ZBED3: variants seen among roughly 807,000 people sequenced by gnomAD.
The protein encoded by ZBED3 is zinc finger BED domain-containing protein 3.
For missense variants in ZBED3, 388 were observed against 362.9 expected (o/e 1.07, Z -0.56); for synonymous variants, 175 against 180.0 (o/e 0.97, Z 0.22).
rs564723790 is a variant in ZBED3 at position 77,085,311 on chromosome 5, ACT to A, written c.-153+1798_-153+1799del. On this transcript the variant is annotated intron_variant, in intron 1 of 2. Transcript: ENST00000255198. ...CACAAGGTATGACTATAATATTGAGACTCATCCTATAAAGCACCTACAAAAGT... is the reference window on the plus strand; with the variant it reads ...CACAAGGTATGACTATAATATTGAGACATCCTATAAAGCACCTACAAAAGT... Among the ~76,000 whole-genome samples, 121 of 152,350 alleles carry A rather than the reference ACT, an allele frequency of 7.9e-4. 2 individuals are homozygous for A. The South Asian group carries it at 0.015, about 18-fold the overall frequency.
chr5:77,085,085 T>G (rs1356211997), intron 1 of ZBED3, among the ~76,000 whole-genome samples: 1 of 152,242 alleles, frequency 6.6e-6, no homozygotes, highest in Non-Finnish European at 1.5e-5. Context: ...GAAGGAGTTC[T>G]TAAATCTAAG....
At position 77,077,093 on chromosome 5, in the gene ZBED3, C is replaced by A. The variant is rs999625504; in HGVS notation, c.*81G>T. On this transcript the variant is annotated 3_prime_UTR_variant, in exon 3 of 3. Coordinates refer to ENST00000255198, the MANE Select transcript of ZBED3 (RefSeq NM_032367.4). Reference sequence around the variant, plus strand: ...GCGGCTGCGGGCCTGGCTTCGGTTACGGCTTCGGTCCCAGCGGGGTCTGAA... The same window carrying A: ...GCGGCTGCGGGCCTGGCTTCGGTTAAGGCTTCGGTCCCAGCGGGGTCTGAA... 8 of 1,114,830 alleles carry A rather than the reference C, an allele frequency of 7.2e-6. No individual in the cohort carries two copies. The Admixed American group carries it at 1.3e-4, about 18-fold the overall frequency. The allele number at this position is 1,114,830 out of a possible 1,614,324, so 69.1% of individuals were successfully genotyped here. A position where few individuals can be genotyped will look rare whatever the true frequency, so the allele number is the denominator to read the frequency against.
chr5:77,078,590 T>C lies in ZBED3; in HGVS notation c.-18+4A>G, dbSNP rs1406951114. The C allele has an allele frequency of 2.0e-5, 3 of 152,240 alleles. No individual in the cohort carries two copies. The highest frequency in any genetic ancestry group is 4.4e-5 in the Non-Finnish European group (3 of 68,038). The allele number at this position is 152,240 out of a possible 1,614,324, so 9.4% of individuals were successfully genotyped here. On this transcript the variant is annotated splice_donor_region_variant and intron_variant, in intron 2 of 2. Coordinates refer to ENST00000255198, the MANE Select transcript of ZBED3 (RefSeq NM_032367.4). Reference sequence around the variant, plus strand: ...ATATCCAAAGCAGCATTCTAAATTTTTACCTTTAAATTAGACAGTGGGTAA... The same window carrying C: ...ATATCCAAAGCAGCATTCTAAATTTCTACCTTTAAATTAGACAGTGGGTAA...
chr5:77,079,188 A>G (rs1458181573), intron 1 of ZBED3: 1 of 152,260 alleles, frequency 6.6e-6, no homozygotes, highest in Admixed American at 6.5e-5. Flanking sequence ...ATTTGCTTTG[A>G]AAGTTGAAAA....
chr5:77,083,853 C>G (rs1743179588), intron 1 of ZBED3, among the ~76,000 whole-genome samples: 1 of 152,140 alleles, frequency 6.6e-6, no homozygotes, highest in Non-Finnish European at 1.5e-5. Flanking sequence ...TTATTTATCA[C>G]TAGGGTAAAA....
In ZBED3 at chr5:77,077,916, A is replaced by G. The variant is rs537245481; in HGVS notation, c.-17-21T>C. 1.0e-4 allele frequency: 126 copies of G among 1,244,660 alleles called. No individual in the cohort carries two copies. The African/African-American group carries it at 1.8e-3, about 17-fold the overall frequency. 77.1% of individuals were successfully genotyped at this position (1,244,660 alleles called of 1,614,324 possible). A position where few individuals can be genotyped will look rare whatever the true frequency, so the allele number is the denominator to read the frequency against. On this transcript the variant is annotated intron_variant, in intron 2 of 2. Coordinates refer to ENST00000255198, the MANE Select transcript of ZBED3 (RefSeq NM_032367.4). Reference sequence around the variant, plus strand: ...GCACGCTGGGGAGCAGGGGAAGAATAATAATGAGTGTTAGGATCACGCACA... The same window carrying G: ...GCACGCTGGGGAGCAGGGGAAGAATGATAATGAGTGTTAGGATCACGCACA...
rs1742989312 is a variant in ZBED3 at position 77,076,015 on chromosome 5, ATATATGTATATATATATGTATATATG to A, written c.*1133_*1158del. On this transcript the variant is annotated 3_prime_UTR_variant, in exon 3 of 3. Transcript: ENST00000255198. ...TATGTATATATGTATATATATATGT[ATATATGTATATATATATGTATATATG>A]TATATATATATATAATATATACACA... 1.2e-4 allele frequency: 11 copies of A among 90,576 alleles called. No homozygotes were observed. The highest frequency in any genetic ancestry group is 1.8e-4 in the Non-Finnish European group (8 of 45,352). 5.6% of individuals were successfully genotyped at this position (90,576 alleles called of 1,614,324 possible).
At chr5:77,083,079 G>T (rs1743163543) in intron 1 of ZBED3, among the ~76,000 whole-genome samples, 2 of 152,212 alleles carry the variant, frequency 1.3e-5, no homozygotes, top group African/African-American at 4.8e-5. Context: ...GGAGGTTGCA[G>T]TGAGCCGAGA....
At position 77,077,769 on chromosome 5, in the gene ZBED3, G is replaced by A. The variant is rs965588295; in HGVS notation, c.110C>T (p.Pro37Leu). Residue 37 changes from proline (P) to leucine (L), a missense_variant, in exon 3 of 3, where the codon CCT becomes CTT. Coordinates refer to ENST00000255198, the MANE Select transcript of ZBED3 (RefSeq NM_032367.4). ...PGLGPAPTPT[P>L]PGRLGAPYSE... Reference sequence around the variant, plus strand: ...GTATGGCGCCCCCAGGCGGCCGGGAGGCGTCGGCGTCGGCGCCGGCCCCAG... The same window carrying A: ...GTATGGCGCCCCCAGGCGGCCGGGAAGCGTCGGCGTCGGCGCCGGCCCCAG... 4.6e-6 allele frequency: 6 copies of A among 1,312,004 alleles called. No homozygotes were observed. In the African/African-American group the frequency reaches 9.6e-5, roughly 21 times the overall value. 81.3% of individuals were successfully genotyped at this position (1,312,004 alleles called of 1,614,324 possible).
intron 1 of ZBED3, among the ~76,000 whole-genome samples, chr5:77,083,567 C>T (rs1184596969): frequency 6.6e-6 from 1 of 152,194 alleles, no homozygotes; most frequent in Non-Finnish European, 1.5e-5. Flanking sequence ...AATGATGTCA[C>T]TGTTGGACTC....
At chr5:77,081,725 A>G (rs1262850743) in intron 1 of ZBED3, among the ~76,000 whole-genome samples, 1 of 152,120 alleles carries the variant, frequency 6.6e-6, no homozygotes, top group African/African-American at 2.4e-5. Flanking sequence ...TTCCTTGAAC[A>G]TTTTTTAAAA....
Position 77,077,271 on chromosome 5 carries a change from T to G in ZBED3, c.608A>C (p.Glu203Ala), listed in dbSNP as rs1235028321. 21 of 1,416,932 alleles carry G rather than the reference T, an allele frequency of 1.5e-5. No individual in the cohort carries two copies. The highest frequency in any genetic ancestry group is 1.7e-5 in the Non-Finnish European group (18 of 1,087,110). 87.8% of individuals were successfully genotyped at this position (1,416,932 alleles called of 1,614,324 possible). The change falls in exon 3 of 3, where the codon GAG becomes GCG. Residue 203 changes from glutamate to alanine, a missense_variant. Coordinates refer to ENST00000255198, the MANE Select transcript of ZBED3 (RefSeq NM_032367.4). ...QARLRDVSRR[E>A]GALGWAPAAP... ...AGCGGGGGCCCAGCCCAGGGCGCCC[T>G]CACGGCGGCTCACATCCCGCAGCCG...
intron 1 of ZBED3, among the ~76,000 whole-genome samples, chr5:77,079,563 T>C (rs1425528905): frequency 1.3e-5 from 2 of 149,766 alleles, no homozygotes; most frequent in Non-Finnish European, 3.0e-5. Flanking sequence ...TAACATATCA[T>C]TTTTTTAAAA....
rs988329434 is a variant in ZBED3, at chr5:77,075,091, T to G, written c.*2083A>C. On this transcript the variant is annotated 3_prime_UTR_variant, in exon 3 of 3. Coordinates refer to ENST00000255198, the MANE Select transcript of ZBED3 (RefSeq NM_032367.4). ...TGCAGCAAGGGATTGGGCATGAAGG[T>G]TTTCTCCAGGCCCGGGGAGAACACT... 6.6e-5 allele frequency: 10 copies of G among 152,002 alleles called. No homozygotes were observed. Among genetic ancestry groups the G allele is most frequent in the Admixed American group, 1.3e-4 (2 of 15,246 alleles). The allele number at this position is 152,002 out of a possible 1,614,324, so 9.4% of individuals were successfully genotyped here. A position where few individuals can be genotyped will look rare whatever the true frequency, so the allele number is the denominator to read the frequency against.
chr5:77,084,377 G>T (rs1027575818), intron 1 of ZBED3, among the ~76,000 whole-genome samples: 3 of 152,132 alleles, frequency 2.0e-5, no homozygotes, highest in Non-Finnish European at 4.4e-5. Flanking sequence ...TAAATCTCAC[G>T]AGATCTGATG....
intron 2 of ZBED3, 106 bp from the exon 3 acceptor site, chr5:77,078,001 A>G: frequency 1.3e-6 from 1 of 788,526 alleles, no homozygotes; most frequent in Non-Finnish European, 1.7e-6. Flanking sequence ...CTTACCGATG[A>G]AAAGCCTATA....
At chr5:77,080,405 C>G in intron 1 of ZBED3, 1 of 451,236 alleles carries the variant, frequency 2.2e-6, no homozygotes, top group Non-Finnish European at 4.3e-6. Flanking sequence ...TAGTGGAAGC[C>G]TCACCTGAGC....
intron 1 of ZBED3, among the ~76,000 whole-genome samples, chr5:77,082,064 C>T (rs1158962199): frequency 2.0e-5 from 3 of 151,932 alleles, no homozygotes; most frequent in South Asian, 4.2e-4. Context: ...GTCAGGAGTT[C>T]GAGACCAGCT....
At chr5:77,082,514 T>A (rs535774915) in intron 1 of ZBED3, among the ~76,000 whole-genome samples, 1 of 152,318 alleles carries the variant, frequency 6.6e-6, no homozygotes, top group South Asian at 2.1e-4. Flanking sequence ...AGGAAAAGGA[T>A]GAAGTTCTGT....
Sources: allele counts gnomAD v4.1 joint callset (sites outside exome capture counted in the v4.1 genomes callset), GRCh38; gene constraint gnomAD v4.1.1; transcripts MANE v1.5; gene names NCBI Gene and HGNC (gene_info 2026-07-23, HGNC 2026-07-21).